Variants in GRID2IP observed in about 807,000 individuals in gnomAD.
GRID2IP encodes the protein Grid2 interacting protein.
GRID2IP carries 78 observed loss-of-function variants against 114.3 expected under a neutral mutation model. That is an observed-to-expected ratio of 0.68 (90% CI 0.57 to 0.82). The LOEUF (loss-of-function observed/expected upper bound fraction) is 0.82. GRID2IP is among the 40% of genes least tolerant of loss of function. The pLI, the probability that GRID2IP is intolerant of heterozygous loss-of-function variation, is 0.00. For synonymous variants in GRID2IP, 809 were observed against 724.0 expected (o/e 1.12, Z -1.89); for missense variants, 1,727 against 1,678.5 (o/e 1.03, Z -0.51).
intron 1 of GRID2IP, among the ~76,000 whole-genome samples, chr7:6,546,623 T>A (rs557074439): frequency 6.6e-6 from 1 of 150,954 alleles, no homozygotes; most frequent in African/African-American, 2.4e-5. Flanking sequence ...AGGCCCTTCA[T>A]CTTCCAGAGG....
At chr7:6,538,211 C>A (rs1243432763) in intron 2 of GRID2IP, among the ~76,000 whole-genome samples, 1 of 151,806 alleles carries the variant, frequency 6.6e-6, no homozygotes, top group Admixed American at 6.6e-5. Flanking sequence ...TAAAAAAATA[C>A]AAAAATTAGC....
chr7:6,548,005 G>A (rs1779912848), intron 1 of GRID2IP, among the ~76,000 whole-genome samples: 2 of 152,166 alleles, frequency 1.3e-5, no homozygotes, highest in African/African-American at 2.4e-5. Context: ...AAGTCTGTGA[G>A]CTTGATAACA....
chr7:6,550,864 A>T, intron 1 of GRID2IP, 144 bp downstream of exon 1: 2 of 950,026 alleles, frequency 2.1e-6, no homozygotes, highest in South Asian at 5.4e-5. Context: ...CAAGGTTTTG[A>T]AGTTGAGCAT....
chr7:6,507,997 G>A lies in GRID2IP; in HGVS notation c.2532C>T (p.Thr844=), dbSNP rs1786643730. 6.5e-7 allele frequency: 1 copy of A among 1,550,036 alleles called. No homozygotes were observed. The highest frequency in any genetic ancestry group is 8.7e-7 in the Non-Finnish European group (1 of 1,146,788). ...CCAGGTCACCTACCTGACCCCAGAT[G>A]GTGCCTTCTGAGTTCTCCACCTGTT... The part of the protein sequence containing the change: ...RWEQVENSEG[T]IWGQLGEDSD... The change falls in exon 13 of 22, where the codon ACC becomes ACT. Residue 844 remains threonine (T), a synonymous_variant. Transcript: ENST00000457091. This position sits in a 1 kb window ranked among gnomAD's most constrained non-coding sequence, Gnocchi z 5.3.
chr7:6,504,081 C>T (rs1257427220), intron 15 of GRID2IP, among the ~76,000 whole-genome samples: 1 of 125,048 alleles, frequency 8.0e-6, no homozygotes. Context: ...TGAGGCAGAG[C>T]TGGGGCGGGG....
In GRID2IP at chr7:6,551,130, G is replaced by A; in HGVS notation, c.307C>T (p.Arg103Trp). Reference sequence around the variant, plus strand: ...AGGCCGCGGCCGCACCGCGGGGCCCGCAAGACTGTGGTCGGGGCCGCGGGG... The same window carrying A: ...AGGCCGCGGCCGCACCGCGGGGCCCACAAGACTGTGGTCGGGGCCGCGGGG... ...SGPAAPTTVL[R>W]APRCGRGLAL... The change falls in exon 1 of 22, where the codon CGG (arginine) becomes TGG (tryptophan). Residue 103 changes from arginine to tryptophan, a missense_variant. By Grantham distance (101) the Arg-to-Trp change is moderately radical (BLOSUM62 -3). Coordinates refer to ENST00000457091, the MANE Select transcript of GRID2IP (RefSeq NM_001145118.2). The A allele has an allele frequency of 1.5e-6, 2 of 1,316,946 alleles. No individual in the cohort carries two copies. Among genetic ancestry groups the A allele is most frequent in the Non-Finnish European group, 9.6e-7 (1 of 1,038,268 alleles). 81.6% of individuals were successfully genotyped at this position (1,316,946 alleles called of 1,614,324 possible).
At chr7:6,522,854 A>G (rs1421869552) in intron 4 of GRID2IP, among the ~76,000 whole-genome samples, 2 of 140,272 alleles carry the variant, frequency 1.4e-5, no homozygotes, top group Non-Finnish European at 3.2e-5. Context: ...TTTAGTAGAG[A>G]TGAGGTTTCG....
rs1779561813 is a variant in GRID2IP, at chr7:6,528,724, G to T, written c.585-1955C>A. 6.6e-6 allele frequency among the ~76,000 whole-genome samples: 1 copy of T among 152,080 alleles called. No individual in the cohort carries two copies. The highest frequency in any genetic ancestry group is 1.5e-5 in the Non-Finnish European group (1 of 68,026). On this transcript the variant is annotated intron_variant, in intron 2 of 21. Transcript: ENST00000457091. This position sits in a 1 kb window ranked among gnomAD's most constrained non-coding sequence, Gnocchi z 6.0. ...CGCCAGGCAAAAGAAATTGCCTGGT[G>T]GGAGGAAGTGGGTGTGGATTCTCAG...
chr7:6,498,572 C>CTTTTTTT (rs34146767), intron 20 of GRID2IP, among the ~76,000 whole-genome samples: 7 of 68,142 alleles, frequency 1.0e-4, no homozygotes, highest in African/African-American at 2.9e-4. Flanking sequence ...CTAGGCCTTA[C>CTTTTTTT]TTTTTTTTTT....
At chr7:6,511,654 T>A (rs1779162992) in intron 8 of GRID2IP, among the ~76,000 whole-genome samples, 1 of 152,048 alleles carries the variant, frequency 6.6e-6, no homozygotes, top group Non-Finnish European at 1.5e-5. Flanking sequence ...ATTACAGGTG[T>A]GAGCCACTGC....
chr7:6,525,882 G>A (rs1248416903), intron 4 of GRID2IP, among the ~76,000 whole-genome samples: 1 of 152,150 alleles, frequency 6.6e-6, no homozygotes, highest in East Asian at 1.9e-4. Context: ...CTGCCCCAGA[G>A]TCCTAGACAG....
At position 6,526,607 on chromosome 7, in the gene GRID2IP, G is replaced by C; in HGVS notation, c.747C>G (p.Ser249Arg). The change falls in exon 3 of 22, where the codon AGC becomes AGG. Residue 249 changes from serine to arginine, a missense_variant. Transcript: ENST00000457091. The surrounding 1 kb of genome is among the most constrained non-coding windows in gnomAD (Gnocchi z 7.6). Reference sequence around the variant, plus strand: ...GCTCATCGGGGCGGCGCGGCGGGGCGCTGGCGCGCGTGGACACCAGGAGGC... The same window carrying C: ...GCTCATCGGGGCGGCGCGGCGGGGCCCTGGCGCGCGTGGACACCAGGAGGC... ...PERLLVSTRA[S>R]APPRRPDEPP... is the part of the protein sequence containing the mutation. 3.3e-6 allele frequency: 4 copies of C among 1,199,408 alleles called. No individual in the cohort carries two copies. The highest frequency in any genetic ancestry group is 4.1e-6 in the Non-Finnish European group (4 of 967,646). The allele number at this position is 1,199,408 out of a possible 1,614,324, so 74.3% of individuals were successfully genotyped here. A position where few individuals can be genotyped will look rare whatever the true frequency, so the allele number is the denominator to read the frequency against.
chr7:6,499,404 T>C (rs756286526), intron 20 of GRID2IP, among the ~76,000 whole-genome samples: 6 of 152,178 alleles, frequency 3.9e-5, no homozygotes, highest in Admixed American at 6.5e-5. Flanking sequence ...GCCAGGTCAA[T>C]TTCCTTTGCA....
At chr7:6,511,377 G>C (rs1317225734) in intron 8 of GRID2IP, among the ~76,000 whole-genome samples, 1 of 147,378 alleles carries the variant, frequency 6.8e-6, no homozygotes, top group Non-Finnish European at 1.5e-5. Flanking sequence ...CAAAATAGAA[G>C]TGTTTTTTTT....
At position 6,526,127 on chromosome 7, in the gene GRID2IP, G is replaced by C. The variant is rs1779506587; in HGVS notation, c.919+97C>G. 6 of 912,268 alleles carry C rather than the reference G, an allele frequency of 6.6e-6. No individual in the cohort carries two copies. The East Asian group carries it at 1.6e-4, about 24-fold the overall frequency. The allele number at this position is 912,268 out of a possible 1,614,324, so 56.5% of individuals were successfully genotyped here. A position where few individuals can be genotyped will look rare whatever the true frequency, so the allele number is the denominator to read the frequency against. ...GACGTGGAGGGGTTGCTGAGCAGGAGCCTACATGGGGTACAATGACCCGGC... is the reference window on the plus strand; with the variant it reads ...GACGTGGAGGGGTTGCTGAGCAGGACCCTACATGGGGTACAATGACCCGGC... On this transcript the variant is annotated intron_variant, in intron 4 of 21. Coordinates refer to ENST00000457091, the MANE Select transcript of GRID2IP (RefSeq NM_001145118.2). This position sits in a 1 kb window ranked among gnomAD's most constrained non-coding sequence, Gnocchi z 7.6.
intron 2 of GRID2IP, among the ~76,000 whole-genome samples, chr7:6,535,683 C>T (rs1779712540): frequency 6.6e-6 from 1 of 151,964 alleles, no homozygotes; most frequent in African/African-American, 2.4e-5. Flanking sequence ...ATAGTGAGAC[C>T]CTGTCTCTAT....
rs774568882 is a variant in GRID2IP at position 6,509,360 on chromosome 7, G to A, written c.1772-47C>T. The A allele has an allele frequency of 2.1e-6, 3 of 1,443,098 alleles. No homozygotes were observed. Among genetic ancestry groups the A allele is most frequent in the African/African-American group, 2.9e-5 (2 of 69,392 alleles). 89.4% of individuals were successfully genotyped at this position (1,443,098 alleles called of 1,614,324 possible). On this transcript the variant is annotated intron_variant, in intron 11 of 21. Transcript: ENST00000457091. This position sits in a 1 kb window ranked among gnomAD's most constrained non-coding sequence, Gnocchi z 4.9. ...AGGATTCCTCTTCAGCCAGCACCGA[G>A]GTTCCAGGTGCAAGCTGGAGAGAGG...
intron 2 of GRID2IP, among the ~76,000 whole-genome samples, chr7:6,533,564 C>T (rs560950768): frequency 1.3e-5 from 2 of 151,828 alleles, no homozygotes; most frequent in African/African-American, 2.4e-5. Context: ...GGGTCTCGCT[C>T]TGTTGCCTAG....
chr7:6,512,108 G>A (rs1220449982), intron 8 of GRID2IP, among the ~76,000 whole-genome samples: 1 of 150,834 alleles, frequency 6.6e-6, no homozygotes, highest in Non-Finnish European at 1.5e-5. Flanking sequence ...GCAGAGATGG[G>A]GTTTCACCAT....
Sources: gnomAD v4.1 joint callset for allele counts (sites outside exome capture counted in the v4.1 genomes callset) on GRCh38, gnomAD v4.1.1 for gene constraint, Gnocchi (gnomAD v3.1) non-coding constraint, MANE v1.5 for transcripts, NCBI Gene and HGNC (gene_info 2026-07-23, HGNC 2026-07-21) for gene names.